The following FREM2 variants were observed in gnomAD, a reference collection of about 807,000 sequenced individuals.
FREM2 encodes FRAS1 related extracellular matrix 2.
FREM2 carries 119 observed loss-of-function variants against 219.9 expected under a neutral mutation model. That is an observed-to-expected ratio of 0.54 (90% CI 0.47 to 0.63). The LOEUF (loss-of-function observed/expected upper bound fraction) is 0.63, where lower values mean the gene tolerates loss of function less well. Among genes scored for constraint, FREM2 ranks in the 30% least tolerant of loss-of-function variants. FREM2 has a pLI of 0.00. For missense variants in FREM2, 4,030 were observed against 3,993.6 expected (o/e 1.01, Z -0.25); for synonymous variants, 1,562 against 1,522.8 (o/e 1.03, Z -0.60).
intron 6 of FREM2, among the ~76,000 whole-genome samples, chr13:38,794,287 G>A (rs1874681546): frequency 6.6e-6 from 1 of 152,154 alleles, no homozygotes; most frequent in African/African-American, 2.4e-5. Flanking sequence ...TTAAGGGTAT[G>A]ACCATCCCAG....
chr13:38,763,636 G>C (rs950186834), intron 2 of FREM2, among the ~76,000 whole-genome samples: 3 of 151,700 alleles, frequency 2.0e-5, no homozygotes, highest in Non-Finnish European at 4.4e-5. Flanking sequence ...CAACATAGTC[G>C]CTTTCACATT....
chr13:38,794,492 A>C (rs1874690752), intron 6 of FREM2, among the ~76,000 whole-genome samples: 1 of 152,150 alleles, frequency 6.6e-6, no homozygotes, highest in Non-Finnish European at 1.5e-5. Flanking sequence ...CCAATTTTTG[A>C]AATAATAGGA....
chr13:38,711,118 T>TTGA (rs1870753039), intron 2 of FREM2, among the ~76,000 whole-genome samples: 1 of 152,220 alleles, frequency 6.6e-6, no homozygotes, highest in Admixed American at 6.5e-5. Flanking sequence ...CTGGATGCTG[T>TTGA]TGAGAATGGA....
At chr13:38,878,455 A>G in intron 22 of FREM2, 134 bp downstream of exon 22, 1 of 458,586 alleles carries the variant, frequency 2.2e-6, no homozygotes, top group East Asian at 5.7e-5. Context: ...AGGTAGAAGG[A>G]TCACTTGAAG....
chr13:38,707,898 A>C (rs2496434), intron 2 of FREM2, among the ~76,000 whole-genome samples: 77,963 of 152,020 alleles, frequency 0.51, 23,022 homozygotes, highest in Non-Finnish European at 0.66. Context: ...TTGTTTTCTC[A>C]GTTTCTTCTT....
At chr13:38,695,802 G>C (rs113964299) in intron 1 of FREM2, among the ~76,000 whole-genome samples, 1 of 152,024 alleles carries the variant, frequency 6.6e-6, no homozygotes, top group Non-Finnish European at 1.5e-5. Context: ...TACATGCAAA[G>C]GTAGAGATAC....
intron 2 of FREM2, among the ~76,000 whole-genome samples, chr13:38,716,808 T>A (rs1347997619): frequency 6.6e-6 from 1 of 152,174 alleles, no homozygotes; most frequent in Non-Finnish European, 1.5e-5. Flanking sequence ...GCGCCTGGCC[T>A]GCTCTTTCTT....
Position 38,690,724 on chromosome 13 carries a change from CAA to C in FREM2, c.3381_3382del (p.Arg1128SerfsTer26). ...TCTCCAGCACCAGGCTCTGAGAAAT[CAA>C]GAGCAGGGATTGCCATAAGTGCTTT... On this transcript the variant is annotated frameshift_variant, in exon 1 of 24. Coordinates refer to ENST00000280481, the MANE Select transcript of FREM2 (RefSeq NM_207361.6). LOFTEE classifies it high-confidence loss of function. 6.2e-7 allele frequency: 1 copy of C among 1,614,092 alleles called. No homozygotes were observed. The highest frequency in any genetic ancestry group is 8.5e-7 in the Non-Finnish European group (1 of 1,180,032).
At chr13:38,700,016 CTG>C (rs1311598058) in intron 2 of FREM2, among the ~76,000 whole-genome samples, 2 of 152,058 alleles carry the variant, frequency 1.3e-5, no homozygotes, top group African/African-American at 4.8e-5. Flanking sequence ...ATTGAGAACT[CTG>C]TATGTCCAGC....
At chr13:38,867,522 A>C (rs1000819035) in intron 16 of FREM2, among the ~76,000 whole-genome samples, 2 of 152,246 alleles carry the variant, frequency 1.3e-5, no homozygotes, top group African/African-American at 4.8e-5. Flanking sequence ...TTCTCCCCAG[A>C]GACAGAACCA....
At chr13:38,814,855 A>G (rs1318301899) in intron 6 of FREM2, among the ~76,000 whole-genome samples, 2 of 152,112 alleles carry the variant, frequency 1.3e-5, no homozygotes, top group Non-Finnish European at 2.9e-5. Flanking sequence ...ACCACCACTG[A>G]TCCATGGGGG....
intron 2 of FREM2, among the ~76,000 whole-genome samples, chr13:38,744,664 G>C (rs1192291319): frequency 6.6e-6 from 1 of 152,042 alleles, no homozygotes; most frequent in African/African-American, 2.4e-5. Context: ...GCTAAGTTTT[G>C]TATTTTTAGT....
At chr13:38,817,572 G>A (rs1325282530) in intron 6 of FREM2, among the ~76,000 whole-genome samples, 1 of 151,982 alleles carries the variant, frequency 6.6e-6, no homozygotes, top group Non-Finnish European at 1.5e-5. Flanking sequence ...ACTCAAAATG[G>A]ATTAAGGATC....
At chr13:38,708,579 G>A (rs539098904) in intron 2 of FREM2, among the ~76,000 whole-genome samples, 2 of 151,910 alleles carry the variant, frequency 1.3e-5, no homozygotes, top group South Asian at 2.1e-4. Flanking sequence ...ACCTGAACCC[G>A]GGAGATGGAG....
intron 4 of FREM2, among the ~76,000 whole-genome samples, chr13:38,773,638 C>T (rs1873760295): frequency 6.6e-6 from 1 of 151,928 alleles, no homozygotes; most frequent in Non-Finnish European, 1.5e-5. Flanking sequence ...ACTATGTTGC[C>T]CAGGCTGGTC....
intron 2 of FREM2, among the ~76,000 whole-genome samples, chr13:38,707,374 C>G (rs867260664): frequency 6.6e-6 from 1 of 152,120 alleles, no homozygotes; most frequent in African/African-American, 2.4e-5. Context: ...ATTTGGTTTT[C>G]AACTTAGAAC....
Position 38,878,905 on chromosome 13 carries a change from C to T in FREM2, c.8934C>T (p.Asp2978=), listed in dbSNP as rs747416542. The part of the protein sequence containing the change: ...VLFNAKLAVD[D]PEAILLVNQP... ...TTAATGCCAAACTAGCAGTGGATGACCCTGAAGCCATTCTCTTAGTGAATC... is the reference window on the plus strand; with the variant it reads ...TTAATGCCAAACTAGCAGTGGATGATCCTGAAGCCATTCTCTTAGTGAATC... The change falls in exon 23 of 24, where the codon GAC becomes GAT. Residue 2978 remains aspartate, a synonymous_variant. Coordinates refer to ENST00000280481, the MANE Select transcript of FREM2 (RefSeq NM_207361.6). 9.3e-6 allele frequency: 15 copies of T among 1,614,020 alleles called. No individual in the cohort carries two copies. In the South Asian group the frequency reaches 1.6e-4, roughly 18 times the overall value.
At chr13:38,793,976 T>C (rs567623958) in intron 6 of FREM2, among the ~76,000 whole-genome samples, 1 of 110,812 alleles carries the variant, frequency 9.0e-6, no homozygotes, top group South Asian at 2.7e-4. Flanking sequence ...TAAGGCATGC[T>C]AGTACGAAAG....
intron 2 of FREM2, among the ~76,000 whole-genome samples, chr13:38,741,839 A>G (rs762978308): frequency 6.6e-5 from 10 of 152,166 alleles, no homozygotes; most frequent in Non-Finnish European, 1.2e-4. Context: ...AAACTTTCCA[A>G]AGTCTAAGTG....
Sources: allele counts gnomAD v4.1 joint callset (sites outside exome capture counted in the v4.1 genomes callset), GRCh38; gene constraint gnomAD v4.1.1; transcripts MANE v1.5; gene names NCBI Gene and HGNC (gene_info 2026-07-23, HGNC 2026-07-21).